GALNT17: variants seen among roughly 807,000 people sequenced by gnomAD.
The protein encoded by GALNT17 is polypeptide N-acetylgalactosaminyltransferase 17, also known as UDP-GalNAc:polypeptide N-acetylgalactosaminyltransferase-like 3.
Under a neutral mutation model 63.7 loss-of-function variants are expected in GALNT17, and 29 were observed. That is an observed-to-expected ratio of 0.46 (90% CI 0.34 to 0.62). The LOEUF is 0.62. GALNT17 is among the 20% of genes least tolerant of loss of function. The pLI, the probability that GALNT17 is intolerant of heterozygous loss-of-function variation, is 0.01. For missense variants in GALNT17, 603 were observed against 799.6 expected, an observed-to-expected ratio of 0.75 and a Z score of 2.97; for synonymous variants, 305 against 318.3, an observed-to-expected ratio of 0.96 and a Z score of 0.45.
chr7:71,341,443 C>G (rs1374002764), intron 2 of GALNT17, among the ~76,000 whole-genome samples: 1 of 152,042 alleles, frequency 6.6e-6, no homozygotes, highest in Non-Finnish European at 1.5e-5. Flanking sequence ...AAGATCCCAC[C>G]CAGTTCCTAC....
intron 1 of GALNT17, among the ~76,000 whole-genome samples, chr7:71,271,863 G>T (rs999229060): frequency 2.6e-5 from 4 of 152,156 alleles, no homozygotes; most frequent in African/African-American, 9.7e-5. Context: ...AGGCTAAAGC[G>T]ATCCTCCCGC....
chr7:71,529,480 A>C (rs1788679227), intron 5 of GALNT17, among the ~76,000 whole-genome samples: 1 of 152,222 alleles, frequency 6.6e-6, no homozygotes, highest in African/African-American at 2.4e-5. Flanking sequence ...AAACCATGTG[A>C]CATAATTAAA....
chr7:71,456,362 A>G (rs1424439567), intron 5 of GALNT17, among the ~76,000 whole-genome samples: 6 of 152,194 alleles, frequency 3.9e-5, no homozygotes, highest in African/African-American at 1.2e-4. Flanking sequence ...ATCAAGTATT[A>G]TAAGGCCTGG....
In GALNT17 at chr7:71,132,728, G is replaced by C. The variant is rs1274870507; in HGVS notation, c.-75G>C. ...GCCGTCTGGTGTGTGAGGCTTGCAC[G>C]GCCCCTGGCTGCCCCGCGCCTCGCC... is the stretch of plus-strand genomic sequence containing the variant. On this transcript the variant is annotated 5_prime_UTR_variant, in exon 1 of 11. Transcript: ENST00000333538. 1.6e-6 allele frequency: 2 copies of C among 1,284,510 alleles called. No individual in the cohort carries two copies. The highest frequency in any genetic ancestry group is 2.4e-5 in the Admixed American group (1 of 41,758). The allele number at this position is 1,284,510 out of a possible 1,614,324, so 79.6% of individuals were successfully genotyped here.
chr7:71,172,389 C>G (rs1788561638), intron 1 of GALNT17, among the ~76,000 whole-genome samples: 1 of 150,174 alleles, frequency 6.7e-6, no homozygotes, highest in Non-Finnish European at 1.5e-5. Flanking sequence ...CCCAGAAGTT[C>G]AAGGCTGCAG....
At chr7:71,142,011 G>GCT (rs1787904507) in intron 1 of GALNT17, among the ~76,000 whole-genome samples, 1 of 36,762 alleles carries the variant, frequency 2.7e-5, no homozygotes, top group African/African-American at 1.6e-4. Flanking sequence ...ACCACATTTG[G>GCT]CTGTGTGTGT....
chr7:71,441,909 T>C (rs1313181872), intron 5 of GALNT17, among the ~76,000 whole-genome samples: 1 of 152,182 alleles, frequency 6.6e-6, no homozygotes, highest in African/African-American at 2.4e-5. Flanking sequence ...TGGTTCCAAG[T>C]CTTTGCTATT....
At chr7:71,710,696 G>A (rs867488301) in intron 9 of GALNT17, 65 bp from the exon 10 acceptor site, 1 of 1,578,484 alleles carries the variant, frequency 6.3e-7, no homozygotes. Context: ...CCTGAGCCCT[G>A]CTTCCTCCCA....
intron 1 of GALNT17, among the ~76,000 whole-genome samples, chr7:71,227,914 A>G (rs1247273347): frequency 6.6e-6 from 1 of 152,076 alleles, no homozygotes; most frequent in Admixed American, 6.6e-5. Flanking sequence ...CTGGATTTCC[A>G]TGCTAGGTGC....
At chr7:71,360,271 C>G (rs543120428) in intron 2 of GALNT17, among the ~76,000 whole-genome samples, 1 of 152,312 alleles carries the variant, frequency 6.6e-6, no homozygotes, top group East Asian at 1.9e-4. Context: ...AAAATTCATT[C>G]ATCCGATCGA....
At chr7:71,460,391 C>T (rs28524784) in intron 5 of GALNT17, among the ~76,000 whole-genome samples, 1 of 152,114 alleles carries the variant, frequency 6.6e-6, no homozygotes, top group Non-Finnish European at 1.5e-5. Context: ...TCTCAAAAAA[C>T]AAAACAAAAC....
chr7:71,238,787 G>T (rs1789941449), intron 1 of GALNT17, among the ~76,000 whole-genome samples: 1 of 152,182 alleles, frequency 6.6e-6, no homozygotes, highest in South Asian at 2.1e-4. Context: ...TGGAATGTGG[G>T]TGGGACCTAT....
intron 5 of GALNT17, among the ~76,000 whole-genome samples, chr7:71,554,574 G>A (rs1037800361): frequency 7.2e-5 from 11 of 152,168 alleles, no homozygotes; most frequent in African/African-American, 2.7e-4. Context: ...TGGGCATTTA[G>A]AGCATTATTT....
rs1792816365 is a variant in GALNT17, at chr7:71,380,089, A to G, written c.423-8146A>G. 3.3e-5 allele frequency among the ~76,000 whole-genome samples: 5 copies of G among 152,292 alleles called. No homozygotes were observed. In the South Asian group the frequency reaches 1.0e-3, roughly 32 times the overall value. ...GAGGGATGGCGGTGTTGCATACTGC[A>G]GAAAGGATCATCAGCGATGGTGAGG... On this transcript the variant is annotated intron_variant, in intron 2 of 10. Coordinates refer to ENST00000333538, the MANE Select transcript of GALNT17 (RefSeq NM_022479.3).
In GALNT17 at chr7:71,546,286, G is replaced by A. The variant is rs186120318; in HGVS notation, c.963-24999G>A. 6.4e-4 allele frequency among the ~76,000 whole-genome samples: 97 copies of A among 151,216 alleles called. 1 individual carries two copies. The highest frequency in any genetic ancestry group is 2.1e-3 in the African/African-American group (85 of 41,224). On this transcript the variant is annotated intron_variant, in intron 5 of 10. Transcript: ENST00000333538. ...AGCAATGCTCCCATCTCAGCCTCCT[G>A]AGTAGCTGGGACTACAGGTGTGCAC...
chr7:71,141,320 T>G (rs1249869607), intron 1 of GALNT17, among the ~76,000 whole-genome samples: 1 of 151,520 alleles, frequency 6.6e-6, no homozygotes, highest in Non-Finnish European at 1.5e-5. Context: ...TGAACCGAGA[T>G]TGTGCCATTG....
intron 5 of GALNT17, among the ~76,000 whole-genome samples, chr7:71,539,457 C>T (rs1788852357): frequency 6.6e-6 from 1 of 152,106 alleles, no homozygotes; most frequent in Admixed American, 6.5e-5. Context: ...GTAGAGCCTT[C>T]CAGCCCCTGT....
In GALNT17 at chr7:71,490,833, G is replaced by A. The variant is rs557485931; in HGVS notation, c.962+69728G>A. Among the ~76,000 whole-genome samples the A allele has an allele frequency of 3.9e-5, 6 of 152,204 alleles. No individual in the cohort carries two copies. The East Asian group carries it at 9.7e-4, about 25-fold the overall frequency. On this transcript the variant is annotated intron_variant, in intron 5 of 10. Coordinates refer to ENST00000333538, the MANE Select transcript of GALNT17 (RefSeq NM_022479.3). ...GAGGATCTCTTGAGCCCAGGAGTTC[G>A]AGGCAGCAGTGAGCTATGATCGCAC...
intron 1 of GALNT17, among the ~76,000 whole-genome samples, chr7:71,218,174 A>T (rs1789520459): frequency 6.6e-6 from 1 of 152,154 alleles, no homozygotes; most frequent in African/African-American, 2.4e-5. Context: ...CGGATGGATC[A>T]CTTGAGGTCA....
Sources: gnomAD v4.1 joint callset for allele counts (sites outside exome capture counted in the v4.1 genomes callset) on GRCh38, gnomAD v4.1.1 for gene constraint, MANE v1.5 for transcripts, NCBI Gene and HGNC (gene_info 2026-07-23, HGNC 2026-07-21) for gene names.